PKD2L1: variants seen among roughly 807,000 people sequenced by gnomAD.
The protein encoded by PKD2L1 is polycystin 2 like 1, transient receptor potential cation channel.
Under a neutral mutation model 93.0 loss-of-function variants are expected in PKD2L1, and 77 were observed. That is an observed-to-expected ratio of 0.83 (90% CI 0.69 to 1.00). The LOEUF (loss-of-function observed/expected upper bound fraction) is 1.00, where lower values mean the gene tolerates loss of function less well. Among genes scored for constraint, PKD2L1 ranks in the 50% least tolerant of loss-of-function variants. PKD2L1 has a pLI of 0.00. For synonymous variants in PKD2L1, 390 were observed against 388.0 expected (o/e 1.01, Z -0.06); for missense variants, 977 against 990.9 (o/e 0.99, Z 0.19).
chr10:100,297,320 T>C, intron 5 of PKD2L1, 62 bp downstream of exon 5: 1 of 1,550,292 alleles, frequency 6.5e-7, no homozygotes, highest in Admixed American at 1.7e-5. Flanking sequence ...AAGGGTCTCA[T>C]GCACAAGAGA....
intron 5 of PKD2L1, 36 bp from the exon 6 acceptor site, chr10:100,297,244 C>T (rs372400307): frequency 1.3e-6 from 2 of 1,597,984 alleles, no homozygotes; most frequent in East Asian, 4.5e-5. Flanking sequence ...CCAGTGGAGC[C>T]TTCGCTGGGA....
At chr10:100,296,064 A>T in intron 7 of PKD2L1, 58 bp downstream of exon 7, 7 of 1,425,106 alleles carry the variant, frequency 4.9e-6, no homozygotes, top group Non-Finnish European at 6.7e-6. Context: ...AAAAGAAAAG[A>T]AAAGAAGGGA....
Position 100,303,473 on chromosome 10 carries a change from C to T in PKD2L1, c.350-3755G>A, listed in dbSNP as rs77661755. Among the ~76,000 whole-genome samples, 117 of 152,216 alleles carry T rather than the reference C, an allele frequency of 7.7e-4. 1 individual carries two copies. The East Asian group carries it at 9.8e-3, about 13-fold the overall frequency. On this transcript the variant is annotated intron_variant, in intron 2 of 15. Coordinates refer to ENST00000318222, the MANE Select transcript of PKD2L1 (RefSeq NM_016112.3). ...TGCTGGGATTACAGGCATGAGCCACCGCGCCCGGCCCACATCAAACATTTT... is the reference window on the plus strand; with the variant it reads ...TGCTGGGATTACAGGCATGAGCCACTGCGCCCGGCCCACATCAAACATTTT...
Position 100,289,043 on chromosome 10 carries a change from A to G in PKD2L1, c.2264T>C (p.Ile755Thr). 1.2e-6 allele frequency: 2 copies of G among 1,612,246 alleles called. No homozygotes were observed. Among genetic ancestry groups the G allele is most frequent in the Non-Finnish European group, 8.5e-7 (1 of 1,178,634 alleles). ...TGGGGCTGGCTGCGGGTGCTTCCAA[A>G]TAGCTTGTTCCTTCTGTTGGAAGAA... ...APSPGVKEQA[I>T]WKHPQPAPAV... The change falls in exon 15 of 16, where the codon ATT (isoleucine) becomes ACT (threonine). Residue 755 changes from isoleucine to threonine, a missense_variant. Physicochemically the swap from Ile to Thr is moderately conservative, Grantham distance 89 (BLOSUM62 -1). Coordinates refer to ENST00000318222, the MANE Select transcript of PKD2L1 (RefSeq NM_016112.3).
chr10:100,299,283 A>T (rs1387397263), intron 3 of PKD2L1, among the ~76,000 whole-genome samples: 1 of 152,038 alleles, frequency 6.6e-6, no homozygotes, highest in Non-Finnish European at 1.5e-5. Context: ...TCCATTGACC[A>T]ATGAACCTTG....
chr10:100,302,244 C>T (rs1223195138), intron 2 of PKD2L1, among the ~76,000 whole-genome samples: 1 of 85,868 alleles, frequency 1.2e-5, no homozygotes, highest in African/African-American at 3.9e-5. Flanking sequence ...CATACACACA[C>T]ACACACACGC....
At chr10:100,302,495 G>A (rs1477579668) in intron 2 of PKD2L1, among the ~76,000 whole-genome samples, 1 of 151,394 alleles carries the variant, frequency 6.6e-6, no homozygotes, top group Non-Finnish European at 1.5e-5. Context: ...TCAGGAGTTC[G>A]AGACTAGCCT....
intron 2 of PKD2L1, among the ~76,000 whole-genome samples, chr10:100,326,915 T>G (rs1849391954): frequency 6.6e-6 from 1 of 152,124 alleles, no homozygotes; most frequent in African/African-American, 2.4e-5. Context: ...TTAAGAAAAG[T>G]ACCATGATAA....
chr10:100,314,997 A>G (rs1306884175), intron 2 of PKD2L1, among the ~76,000 whole-genome samples: 3 of 11,314 alleles, frequency 2.7e-4, no homozygotes, highest in Non-Finnish European at 4.2e-4. Context: ...GAAGGAAGGA[A>G]GGAAGGAAGG....
chr10:100,291,165 T>C (rs1313767355), intron 12 of PKD2L1, 136 bp downstream of exon 12: 1 of 879,496 alleles, frequency 1.1e-6, no homozygotes, highest in East Asian at 2.5e-5. Flanking sequence ...TGCAGCAGTT[T>C]GGGAACTACT....
In PKD2L1 at chr10:100,290,018, G is replaced by A. The variant is rs771254863; in HGVS notation, c.2247C>T (p.Gly749=). 1.2e-5 allele frequency: 20 copies of A among 1,614,036 alleles called. No homozygotes were observed. The highest frequency in any genetic ancestry group is 8.3e-5 in the Admixed American group (5 of 60,004). Residue 749 remains glycine (G), a synonymous_variant, in exon 14 of 16, where the codon GGC becomes GGT. Transcript: ENST00000318222. ...ERKGWLAPSP[G]VKEQAIWKHP... Reference sequence around the variant, plus strand: ...GACCAGGTGAAGGGCCACTCACCACGCCTGGGGAGGGAGCCAGCCACCCCT... The same window carrying A: ...GACCAGGTGAAGGGCCACTCACCACACCTGGGGAGGGAGCCAGCCACCCCT...
At chr10:100,310,105 G>A (rs1048338370) in intron 2 of PKD2L1, among the ~76,000 whole-genome samples, 4 of 152,176 alleles carry the variant, frequency 2.6e-5, no homozygotes, top group Non-Finnish European at 2.9e-5. Context: ...AGGCCAAGGC[G>A]GGAGGATTGC....
chr10:100,292,164 AT>A (rs1257982015), intron 11 of PKD2L1, among the ~76,000 whole-genome samples: 1 of 151,982 alleles, frequency 6.6e-6, no homozygotes, highest in Non-Finnish European at 1.5e-5. Flanking sequence ...TTATTCTGTG[AT>A]TCAGTTTATT....
In PKD2L1 at chr10:100,329,987, G is replaced by T. The variant is rs747071192; in HGVS notation, c.117C>A (p.Thr39=). 2.4e-5 allele frequency: 38 copies of T among 1,613,790 alleles called. No homozygotes were observed. Among genetic ancestry groups the T allele is most frequent in the Admixed American group, 6.7e-5 (4 of 59,986 alleles). The change falls in exon 1 of 16, where the codon ACC becomes ACA. Residue 39 remains threonine (T), a synonymous_variant. Transcript: ENST00000318222. ...PSPHGTLRVC[T]ISSTGPLQPQ... is the part of the protein sequence containing the mutation. ...GCTGGAGAGGCCCCGTGCTGGAGATGGTGCAGACTCTCAGCGTCCCGTGTG... is the reference window on the plus strand; with the variant it reads ...GCTGGAGAGGCCCCGTGCTGGAGATTGTGCAGACTCTCAGCGTCCCGTGTG...
chr10:100,294,893 A>G, intron 8 of PKD2L1, 49 bp downstream of exon 8: 1 of 1,519,364 alleles, frequency 6.6e-7, no homozygotes, highest in Non-Finnish European at 9.0e-7. Context: ...ACACCCGTGG[A>G]GCTGGAGGGT....
intron 2 of PKD2L1, among the ~76,000 whole-genome samples, chr10:100,308,437 C>A (rs1848856062): frequency 6.6e-6 from 1 of 151,834 alleles, no homozygotes; most frequent in African/African-American, 2.4e-5. Flanking sequence ...TAGGTTCAAG[C>A]AATTCTCCTG....
rs140343976 is a variant in PKD2L1, at chr10:100,315,647, A to G, written c.349+13564T>C. Reference sequence around the variant, plus strand: ...TAGGTAAAAATTTAATAAATATATTACCAGTCTGATTTTCTTTGTAGGGGA... The same window carrying G: ...TAGGTAAAAATTTAATAAATATATTGCCAGTCTGATTTTCTTTGTAGGGGA... On this transcript the variant is annotated intron_variant, in intron 2 of 15. Coordinates refer to ENST00000318222, the MANE Select transcript of PKD2L1 (RefSeq NM_016112.3). Among the ~76,000 whole-genome samples, 53 of 152,348 alleles carry G rather than the reference A, an allele frequency of 3.5e-4. 1 individual carries two copies. The highest frequency in any genetic ancestry group is 1.2e-3 in the African/African-American group (50 of 41,576).
chr10:100,303,191 G>GTTTTTTTTTTTTTTTT (rs146131470), intron 2 of PKD2L1, among the ~76,000 whole-genome samples: 2 of 128,984 alleles, frequency 1.6e-5, no homozygotes. Flanking sequence ...ACATCAAACT[G>GTTTTTTTTTTTTTTTT]TTTTTTTGTT....
chr10:100,289,578 A>G (rs1331716312), intron 14 of PKD2L1, among the ~76,000 whole-genome samples: 1 of 152,076 alleles, frequency 6.6e-6, no homozygotes, highest in African/African-American at 2.4e-5. Context: ...AAAATAAAAT[A>G]AAGGAGACTT....
Sources: gnomAD v4.1 joint callset for allele counts (sites outside exome capture counted in the v4.1 genomes callset) on GRCh38, gnomAD v4.1.1 for gene constraint, MANE v1.5 for transcripts, NCBI Gene and HGNC (gene_info 2026-07-23, HGNC 2026-07-21) for gene names.